OR7E24: variants seen among roughly 807,000 people sequenced by gnomAD.
OR7E24 encodes the protein olfactory receptor family 7 subfamily E member 24.
For synonymous variants in OR7E24, 130 were observed against 157.5 expected, an observed-to-expected ratio of 0.83 and a Z score of 1.31; for missense variants, 385 against 410.3, an observed-to-expected ratio of 0.94 and a Z score of 0.53.
chr19:9,215,518 T>C, the OR7E24 span, among the ~76,000 whole-genome samples: 33 of 152,290 alleles, frequency 2.2e-4, no homozygotes, highest in East Asian at 5.8e-3. Context: ...TTCTAATAGA[T>C]GTACAATAGT....
chr19:9,251,602 T>C lies in OR7E24; in HGVS notation c.559T>C (p.Phe187Leu), dbSNP rs1230824664. 1.2e-6 allele frequency: 2 copies of C among 1,613,522 alleles called. No individual in the cohort carries two copies. Among genetic ancestry groups the C allele is most frequent in the African/African-American group, 2.7e-5 (2 of 74,842 alleles). ...HNLIMLQLTC[F>L]KDVDISNFFC... is the part of the protein sequence containing the mutation. The stretch of plus-strand genomic sequence containing the variant: ...TTTGATTATGTTACAGCTCACCTGC[T>C]TCAAGGATGTGGACATTTCTAATTT... Residue 187 changes from phenylalanine to leucine, a missense_variant, in exon 1 of 1, where the codon TTC becomes CTC. By Grantham distance (22) the Phe-to-Leu change is conservative. Coordinates refer to ENST00000456448, the MANE Select transcript of OR7E24 (RefSeq NM_001079935.2).
At chr19:9,236,077 C>G in the OR7E24 span, 5 of 1,477,898 alleles carry the variant, frequency 3.4e-6, no homozygotes, top group African/African-American at 2.8e-5. Context: ...AGCCTCTTGT[C>G]TCTTACGGTA....
the OR7E24 span, among the ~76,000 whole-genome samples, chr19:9,226,497 T>C: frequency 6.6e-6 from 1 of 152,268 alleles, no homozygotes; most frequent in East Asian, 1.9e-4. Context: ...TTGTGGAATG[T>C]TGAGAAAGGT....
chr19:9,216,525 T>C, the OR7E24 span, among the ~76,000 whole-genome samples: 3 of 152,180 alleles, frequency 2.0e-5, no homozygotes, highest in South Asian at 4.1e-4. Context: ...AATGAGATTA[T>C]CCATGTCATT....
the OR7E24 span, among the ~76,000 whole-genome samples, chr19:9,239,707 CTTTTTTTT>C: frequency 8.1e-6 from 1 of 123,026 alleles, no homozygotes; most frequent in Non-Finnish European, 1.7e-5. Flanking sequence ...TTTTCTTTTT[CTTTTTTTT>C]TTTTTTTTTT....
At chr19:9,235,114 T>A in the OR7E24 span, 2 of 792,730 alleles carry the variant, frequency 2.5e-6, no homozygotes, top group Non-Finnish European at 4.1e-6. Context: ...TGTTGCTTTT[T>A]CCTCCTTCCC....
chr19:9,221,893 C>T, the OR7E24 span, among the ~76,000 whole-genome samples: 1 of 152,190 alleles, frequency 6.6e-6, no homozygotes, highest in South Asian at 2.1e-4. Context: ...AAAATCACTG[C>T]TCAGACCACT....
chr19:9,238,924 G>A, the OR7E24 span, among the ~76,000 whole-genome samples: 7 of 152,150 alleles, frequency 4.6e-5, no homozygotes, highest in East Asian at 1.9e-4. Context: ...TTCTGATGAT[G>A]AGTCCTTAGG....
the OR7E24 span, among the ~76,000 whole-genome samples, chr19:9,226,835 C>T: frequency 6.6e-6 from 1 of 152,140 alleles, no homozygotes; most frequent in Non-Finnish European, 1.5e-5. Context: ...CACAAAGTCC[C>T]CAAGTGGCTC....
At chr19:9,239,621 G>C in the OR7E24 span, among the ~76,000 whole-genome samples, 1 of 151,614 alleles carries the variant, frequency 6.6e-6, no homozygotes, top group African/African-American at 2.4e-5. Flanking sequence ...TGTCTATTCA[G>C]ATCCTTTGTC....
chr19:9,245,794 G>C (rs551554718), upstream of OR7E24, among the ~76,000 whole-genome samples: 190 of 152,252 alleles, frequency 1.2e-3, 3 homozygotes, highest in African/African-American at 4.3e-3. Flanking sequence ...ACGAAAACGA[G>C]TTGACCTTTT....
At chr19:9,225,728 C>T in the OR7E24 span, among the ~76,000 whole-genome samples, 1 of 152,314 alleles carries the variant, frequency 6.6e-6, no homozygotes. Flanking sequence ...ATCCAAATGG[C>T]TGAAGGAGTG....
At chr19:9,229,957 G>A in the OR7E24 span, among the ~76,000 whole-genome samples, 1 of 152,100 alleles carries the variant, frequency 6.6e-6, no homozygotes, top group African/African-American at 2.4e-5. Context: ...TGGGGTAAGA[G>A]GAGAGAGAGT....
At chr19:9,235,612 C>T in the OR7E24 span, 1 of 1,571,748 alleles carries the variant, frequency 6.4e-7, no homozygotes, top group Non-Finnish European at 8.8e-7. Flanking sequence ...CTGGTTCTCC[C>T]TGGTTCATAT....
chr19:9,210,012 G>A, the OR7E24 span: 1 of 152,124 alleles, frequency 6.6e-6, no homozygotes, highest in East Asian at 1.9e-4. Context: ...ACAACTAAGA[G>A]TCTGTTTGAG....
chr19:9,228,895 G>A, the OR7E24 span, among the ~76,000 whole-genome samples: 1 of 152,174 alleles, frequency 6.6e-6, no homozygotes, highest in Non-Finnish European at 1.5e-5. Context: ...TGTGCTTAAA[G>A]GCAGACGTTA....
At chr19:9,235,821 G>A in the OR7E24 span, 1 of 1,611,790 alleles carries the variant, frequency 6.2e-7, no homozygotes, top group Non-Finnish European at 8.5e-7. Flanking sequence ...CCTCCTTAAT[G>A]AGAATGTCCT....
At chr19:9,232,716 T>C in the OR7E24 span, among the ~76,000 whole-genome samples, 1 of 152,208 alleles carries the variant, frequency 6.6e-6, no homozygotes, top group Non-Finnish European at 1.5e-5. Context: ...GAGAGAGCTT[T>C]TCTCTTTCTC....
the OR7E24 span, among the ~76,000 whole-genome samples, chr19:9,220,086 A>G: frequency 6.6e-6 from 1 of 152,154 alleles, no homozygotes; most frequent in Non-Finnish European, 1.5e-5. Flanking sequence ...AATTATATGT[A>G]TGTATCATGT....
Sources: gnomAD v4.1 joint callset for allele counts (sites outside exome capture counted in the v4.1 genomes callset) on GRCh38, gnomAD v4.1.1 for gene constraint, MANE v1.5 for transcripts, NCBI Gene and HGNC (gene_info 2026-07-23, HGNC 2026-07-21) for gene names.